MMP20: variants seen among roughly 807,000 people sequenced by gnomAD.
MMP20 encodes the protein matrix metalloproteinase-20.
In MMP20, 50 loss-of-function variants were observed where a neutral mutation model predicts 51.8. That is an observed-to-expected ratio of 0.97 (90% confidence interval 0.77 to 1.22). The LOEUF (loss-of-function observed/expected upper bound fraction) is 1.22, where lower values mean the gene tolerates loss of function less well. Ranked by LOEUF, MMP20 falls within the 50% of genes most tolerant of loss-of-function variation. MMP20 has a pLI of 0.00. For synonymous variants in MMP20, 244 were observed against 216.2 expected, an observed-to-expected ratio of 1.13 and a Z score of -1.13; for missense variants, 663 against 601.4, an observed-to-expected ratio of 1.10 and a Z score of -1.07.
chr11:102,622,806 A>G lies in MMP20; in HGVS notation c.126+2388T>C, dbSNP rs190946247. Among the ~76,000 whole-genome samples, 168 of 152,366 alleles carry G rather than the reference A, an allele frequency of 1.1e-3. 1 individual carries two copies. The highest frequency in any genetic ancestry group is 3.2e-4 in the Non-Finnish European group (22 of 68,030). The stretch of plus-strand genomic sequence containing the variant: ...GCATATGCCATGCTGTAAGCATTCA[A>G]TACATGAACTTATGCTGCCTATTTT... On this transcript the variant is annotated intron_variant, in intron 1 of 9. Coordinates refer to ENST00000260228, the MANE Select transcript of MMP20 (RefSeq NM_004771.4).
intron 1 of MMP20, among the ~76,000 whole-genome samples, chr11:102,620,327 A>C (rs1013200367): frequency 6.6e-6 from 1 of 152,210 alleles, no homozygotes; most frequent in African/African-American, 2.4e-5. Context: ...AGGTTTTGGC[A>C]TACTTTTCAC....
intron 8 of MMP20, among the ~76,000 whole-genome samples, chr11:102,581,448 C>T (rs1269623056): frequency 6.6e-6 from 1 of 152,016 alleles, no homozygotes; most frequent in Non-Finnish European, 1.5e-5. Context: ...TCCAGAGAAC[C>T]AAGTCAGAGA....
intron 4 of MMP20, among the ~76,000 whole-genome samples, chr11:102,609,509 C>T (rs1859565983): frequency 6.6e-6 from 1 of 152,214 alleles, no homozygotes; most frequent in African/African-American, 2.4e-5. Context: ...TTCCAGATGA[C>T]CTGTATGATA....
intron 6 of MMP20, among the ~76,000 whole-genome samples, chr11:102,595,742 T>C (rs1247142172): frequency 2.0e-5 from 3 of 152,222 alleles, no homozygotes; most frequent in Non-Finnish European, 4.4e-5. Flanking sequence ...ATTATAGTCA[T>C]AAAATTGTGG....
chr11:102,610,787 C>A (rs1859589192), intron 3 of MMP20, among the ~76,000 whole-genome samples: 2 of 148,758 alleles, frequency 1.3e-5, no homozygotes, highest in Admixed American at 6.7e-5. Context: ...GCCGACAGAA[C>A]AAAGTTTTGG....
intron 6 of MMP20, among the ~76,000 whole-genome samples, chr11:102,603,214 G>T (rs1291401038): frequency 6.6e-6 from 1 of 152,184 alleles, no homozygotes; most frequent in Admixed American, 6.5e-5. Flanking sequence ...GGAATTCCAG[G>T]CTGTTGAGTG....
chr11:102,614,686 A>G (rs958676488), intron 2 of MMP20, among the ~76,000 whole-genome samples: 1 of 152,048 alleles, frequency 6.6e-6, no homozygotes, highest in Non-Finnish European at 1.5e-5. Context: ...TTATTGGCTG[A>G]TAGCAGGTAA....
At chr11:102,578,963 T>C in intron 9 of MMP20, 76 bp downstream of exon 9, 2 of 1,102,468 alleles carry the variant, frequency 1.8e-6, no homozygotes, top group South Asian at 1.2e-5. Context: ...GGAAATCCAC[T>C]TTCTGTTGTG....
intron 3 of MMP20, 100 bp downstream of exon 3, chr11:102,611,655 G>A (rs909629139): frequency 1.8e-5 from 26 of 1,439,876 alleles, no homozygotes; most frequent in African/African-American, 7.0e-5. Context: ...AGCACTGTGC[G>A]AAGGAGGAGT....
At chr11:102,622,376 C>T (rs567731972) in intron 1 of MMP20, among the ~76,000 whole-genome samples, 1 of 152,240 alleles carries the variant, frequency 6.6e-6, no homozygotes, top group South Asian at 2.1e-4. Flanking sequence ...CTTGGGACTC[C>T]TCTGGGACCC....
intron 1 of MMP20, among the ~76,000 whole-genome samples, chr11:102,617,976 A>T (rs1222442843): frequency 6.6e-6 from 1 of 152,156 alleles, no homozygotes; most frequent in African/African-American, 2.4e-5. Flanking sequence ...TCTCTCAGAT[A>T]CCTAAATCCA....
In MMP20 at chr11:102,608,942, AATGCCTGGATCCCTTTCACATC is replaced by A; in HGVS notation, c.784_805del (p.Asp262TyrfsTer37). On this transcript the variant is annotated frameshift_variant, in exon 5 of 10. Transcript: ENST00000260228. LOFTEE classifies it high-confidence loss of function. ...AAAGAAGGTAATAATCTTACCGTAT[AATGCCTGGATCCCTTTCACATC>A]ATCTTTGGGGAGGTGGAATCCATAG... is the stretch of plus-strand genomic sequence containing the variant. 6.2e-7 allele frequency: 1 copy of A among 1,614,062 alleles called. No individual in the cohort carries two copies. Among genetic ancestry groups the A allele is most frequent in the South Asian group, 1.1e-5 (1 of 91,084 alleles).
Position 102,625,204 on chromosome 11 carries a change from C to A in MMP20, c.116G>T (p.Arg39Leu), listed in dbSNP as rs751606851. ...CAAAAATTCACAAACCTGTGCGAGG[C>A]GGTAGTTGTTCCTCCAGGTCCTGGG... ...ASPRTWRNNYRLAQAYLDKYY... is the reference protein window; with the variant it reads ...ASPRTWRNNYLLAQAYLDKYY... Residue 39 changes from arginine (R) to leucine (L), a missense_variant, in exon 1 of 10, where the codon CGC becomes CTC. By Grantham distance (102) the Arg-to-Leu change is moderately radical. Coordinates refer to ENST00000260228, the MANE Select transcript of MMP20 (RefSeq NM_004771.4). The A allele has an allele frequency of 1.2e-6, 2 of 1,613,648 alleles. No individual in the cohort carries two copies. Among genetic ancestry groups the A allele is most frequent in the South Asian group, 2.2e-5 (2 of 91,058 alleles).
At chr11:102,623,499 G>A (rs767517468) in intron 1 of MMP20, among the ~76,000 whole-genome samples, 10 of 152,246 alleles carry the variant, frequency 6.6e-5, no homozygotes, top group Non-Finnish European at 1.0e-4. Context: ...GAACAGTTTC[G>A]TCCCAAAACC....
Position 102,606,538 on chromosome 11 carries a change from T to C in MMP20, c.950A>G (p.Asp317Gly), listed in dbSNP as rs757946027. Residue 317 changes from aspartate to glycine, a missense_variant, in exon 6 of 10, where the codon GAC becomes GGC. Asp to Gly is a moderately conservative substitution (Grantham distance 94). Transcript: ENST00000260228. ...MLGKELLLFKDRIFWRRQVHL... is the reference protein window; with the variant it reads ...MLGKELLLFKGRIFWRRQVHL... ...CGGTGGCGTGTCTGAGGCTTACCGG[T>C]CCTTGAAGAGCAGGAGCTCCTTCCC... 2.5e-6 allele frequency: 4 copies of C among 1,613,720 alleles called. No individual in the cohort carries two copies. Among genetic ancestry groups the C allele is most frequent in the Non-Finnish European group, 3.4e-6 (4 of 1,179,750 alleles).
chr11:102,616,259 C>G (rs956801960), intron 2 of MMP20, among the ~76,000 whole-genome samples: 3 of 152,090 alleles, frequency 2.0e-5, no homozygotes, highest in Non-Finnish European at 4.4e-5. Context: ...AACTGTGGTC[C>G]CACAGTTCAC....
chr11:102,617,101 G>C, intron 1 of MMP20, 42 bp from the exon 2 acceptor site: 1 of 1,613,262 alleles, frequency 6.2e-7, no homozygotes, highest in Non-Finnish European at 8.5e-7. Flanking sequence ...AGCGTAGTCT[G>C]GGAAATACTC....
chr11:102,584,662 T>A (rs565698607), intron 8 of MMP20, among the ~76,000 whole-genome samples: 1 of 152,296 alleles, frequency 6.6e-6, no homozygotes, highest in South Asian at 2.1e-4. Flanking sequence ...TCTTTTTGGC[T>A]TATGCTTTTC....
chr11:102,578,780 A>AAC lies in MMP20; in HGVS notation c.1351+257_1351+258dup, dbSNP rs10670953. Among the ~76,000 whole-genome samples the AAC allele has an allele frequency of 0.32, 44,524 of 137,028 alleles. 6,745 individuals carry two copies. The highest frequency in any genetic ancestry group is 0.38 in the African/African-American group (12,990 of 34,048). The allele number at this position is 137,028 out of a possible 152,430, so 89.9% of individuals were successfully genotyped here. A position where few individuals can be genotyped will look rare whatever the true frequency, so the allele number is the denominator to read the frequency against. The stretch of plus-strand genomic sequence containing the variant: ...AACAAAAAACAAAAACAAAAAACAA[A>AAC]ACACACACACACAAAAACAAAAACA... On this transcript the variant is annotated intron_variant, in intron 9 of 9. Coordinates refer to ENST00000260228, the MANE Select transcript of MMP20 (RefSeq NM_004771.4).
Sources: gnomAD v4.1 joint callset for allele counts (sites outside exome capture counted in the v4.1 genomes callset) on GRCh38, gnomAD v4.1.1 for gene constraint, MANE v1.5 for transcripts, NCBI Gene and HGNC (gene_info 2026-07-23, HGNC 2026-07-21) for gene names.